Variants in ZNF683 observed in about 807,000 individuals in gnomAD.
The protein encoded by ZNF683 is tissue-resident T-cell transcription regulator protein ZNF683.
In ZNF683, 20 loss-of-function variants were observed where a neutral mutation model predicts 31.4. The ratio of observed to expected loss-of-function variants is 0.64; its 90% confidence interval spans 0.45 to 0.93. ZNF683 has a LOEUF of 0.93. Among genes scored for constraint, ZNF683 ranks in the 40% least tolerant of loss-of-function variants. The pLI is 0.00. For synonymous variants in ZNF683, 264 were observed against 267.6 expected, an observed-to-expected ratio of 0.99 and a Z score of 0.13; for missense variants, 621 against 637.2, an observed-to-expected ratio of 0.97 and a Z score of 0.27.
At chr1:26,367,121 C>CG (rs1199107054) in intron 3 of ZNF683, among the ~76,000 whole-genome samples, 1 of 151,896 alleles carries the variant, frequency 6.6e-6, no homozygotes, top group East Asian at 2.0e-4. Context: ...AAAAATTAGC[C>CG]GGGGGTGGTG....
upstream of ZNF683, chr1:26,374,325 G>T (rs943902042): frequency 2.5e-5 from 33 of 1,303,674 alleles, no homozygotes; most frequent in African/African-American, 4.9e-4. Flanking sequence ...ATCACACTCT[G>T]CTCCCAGCTC....
Position 26,361,754 on chromosome 1 carries a change from A to G in ZNF683, c.1412T>C (p.Ile471Thr). ...TGTCGAGGACACTTTGACCTCATCT[A>G]TGTCATAGCCCATGTGTTTCTCAGA... ...VASEKHMGYD[I>T]DEVKVSSTSQ... The change falls in exon 6 of 6, where the codon ATA (isoleucine) becomes ACA (threonine). Residue 471 changes from isoleucine (I) to threonine (T), a missense_variant. Ile to Thr is a moderately conservative substitution (Grantham distance 89, BLOSUM62 -1). Coordinates refer to ENST00000349618, the MANE Select transcript of ZNF683 (RefSeq NM_001114759.3). 2 of 1,613,910 alleles carry G rather than the reference A, an allele frequency of 1.2e-6. No individual in the cohort carries two copies. Among genetic ancestry groups the G allele is most frequent in the Non-Finnish European group, 1.7e-6 (2 of 1,179,880 alleles).
At chr1:26,374,021 C>A (rs537898491), upstream of ZNF683, among the ~76,000 whole-genome samples, 37 of 150,914 alleles carry the variant, frequency 2.5e-4, no homozygotes, top group South Asian at 7.9e-3. Flanking sequence ...ACGACAGCCA[C>A]CCCCTCATTT....
At chr1:26,365,369 G>C in intron 3 of ZNF683, 143 bp from the exon 4 acceptor site, 1 of 901,524 alleles carries the variant, frequency 1.1e-6, no homozygotes, top group Non-Finnish European at 1.6e-6. Context: ...CAATTTCAGG[G>C]GGAGAAAGCA....
At chr1:26,374,483 C>A, upstream of ZNF683, 1 of 1,139,880 alleles carries the variant, frequency 8.8e-7, no homozygotes, top group Non-Finnish European at 1.1e-6. Flanking sequence ...CTCAGGTTCC[C>A]ACGTGGAGAA....
chr1:26,363,270 C>T (rs914943867), intron 4 of ZNF683, 116 bp from the exon 5 acceptor site: 15 of 1,327,028 alleles, frequency 1.1e-5, no homozygotes, highest in Non-Finnish European at 1.5e-5. Context: ...CCTCAGGGCC[C>T]ATCATCCCCA....
At chr1:26,365,644 T>TATAG (rs2074503888) in intron 3 of ZNF683, among the ~76,000 whole-genome samples, 1 of 152,220 alleles carries the variant, frequency 6.6e-6, no homozygotes, top group Non-Finnish European at 1.5e-5. Context: ...GCTCAGCAGG[T>TATAG]ATAGTATTGG....
At chr1:26,374,390 T>A, upstream of ZNF683, 2 of 1,262,980 alleles carry the variant, frequency 1.6e-6, no homozygotes, top group Non-Finnish European at 2.1e-6. Flanking sequence ...GGAAATGGCC[T>A]TGGAGATTTC....
chr1:26,366,229 A>T (rs1229253380), intron 3 of ZNF683, among the ~76,000 whole-genome samples: 1 of 150,628 alleles, frequency 6.6e-6, no homozygotes, highest in Non-Finnish European at 1.5e-5. Context: ...TGTTTGTGGC[A>T]TGTGTCTGTA....
At chr1:26,366,358 A>G (rs2124160725) in intron 3 of ZNF683, among the ~76,000 whole-genome samples, 1 of 151,182 alleles carries the variant, frequency 6.6e-6, no homozygotes, top group African/African-American at 2.4e-5. Flanking sequence ...AAAAAAAAAA[A>G]AAAAAAAGCA....
At chr1:26,363,985 TGCGCTCCCTGG>T (rs967003857) in intron 4 of ZNF683, among the ~76,000 whole-genome samples, 1 of 152,218 alleles carries the variant, frequency 6.6e-6, no homozygotes, top group Non-Finnish European at 1.5e-5. Context: ...CGCACTGAGA[TGCGCTCCCTGG>T]GCGCCCCCTG....
At chr1:26,372,085 C>T (rs555880457) in intron 1 of ZNF683, among the ~76,000 whole-genome samples, 2 of 152,270 alleles carry the variant, frequency 1.3e-5, no homozygotes, top group Non-Finnish European at 2.9e-5. Context: ...TTCTGGTGTG[C>T]GTGAGTCTGG....
chr1:26,366,439 G>A (rs2074525576), intron 3 of ZNF683, among the ~76,000 whole-genome samples: 1 of 150,898 alleles, frequency 6.6e-6, no homozygotes, highest in African/African-American at 2.4e-5. Flanking sequence ...TCTGTGCTCT[G>A]TGCTGGGGTC....
chr1:26,374,474 T>G, upstream of ZNF683: 1 of 1,133,298 alleles, frequency 8.8e-7, no homozygotes, highest in Non-Finnish European at 1.1e-6. Context: ...ACAGACTCCC[T>G]CAGGTTCCCA....
rs1374558529 is a variant in ZNF683, at chr1:26,367,600, C to G, written c.312G>C (p.Leu104Phe). 5.6e-6 allele frequency: 9 copies of G among 1,601,800 alleles called. No homozygotes were observed. In the South Asian group the frequency reaches 1.0e-4, roughly 18 times the overall value. The change falls in exon 3 of 6, where the codon TTG becomes TTC. Residue 104 changes from leucine (L) to phenylalanine (F), a missense_variant. Leu to Phe is a conservative substitution (Grantham distance 22, BLOSUM62 0). Coordinates refer to ENST00000349618, the MANE Select transcript of ZNF683 (RefSeq NM_001114759.3). ...TDLQGLQEDA[L>F]SMKHEPPGLQ... ...CCGGTGCCCTGGGCTTACTCATGCT[C>G]AAGGCGTCCTCTTGGAGGCCCTGCA...
chr1:26,365,040 G>A lies in ZNF683; in HGVS notation c.506C>T (p.Pro169Leu). ...AGGGGGACAGGGGCAGAAAGCCAAGGGGCTGGGGCTCTTTCTGTTCTGCAG... is the reference window on the plus strand; with the variant it reads ...AGGGGGACAGGGGCAGAAAGCCAAGAGGCTGGGGCTCTTTCTGTTCTGCAG... ...PPLQNRKSPS[P>L]LAFCPCPPVN... Residue 169 changes from proline (P) to leucine (L), a missense_variant, in exon 4 of 6, where the codon CCC (proline) becomes CTC (leucine). Pro to Leu is a moderately conservative substitution (Grantham distance 98). Transcript: ENST00000349618. 1 of 1,598,758 alleles carries A rather than the reference G, an allele frequency of 6.3e-7. No individual in the cohort carries two copies. Among genetic ancestry groups the A allele is most frequent in the Non-Finnish European group, 8.5e-7 (1 of 1,173,586 alleles).
intron 1 of ZNF683, among the ~76,000 whole-genome samples, chr1:26,369,683 A>T (rs12037810): frequency 0.3 from 40,802 of 134,226 alleles, 4,987 homozygotes; most frequent in East Asian, 0.6. Flanking sequence ...AAAAAAAATT[A>T]GCTGAGTGTG....
At chr1:26,372,144 G>A (rs1399098171) in intron 1 of ZNF683, among the ~76,000 whole-genome samples, 2 of 152,084 alleles carry the variant, frequency 1.3e-5, no homozygotes, top group Non-Finnish European at 2.9e-5. Context: ...CCCCAGCCAC[G>A]CCACCCTGGT....
At chr1:26,371,020 G>A (rs1289540991) in intron 1 of ZNF683, among the ~76,000 whole-genome samples, 1 of 152,162 alleles carries the variant, frequency 6.6e-6, no homozygotes, top group African/African-American at 2.4e-5. Context: ...GACAGAGTAG[G>A]GCTCAAAGGC....
Sources: allele counts gnomAD v4.1 joint callset (sites outside exome capture counted in the v4.1 genomes callset), GRCh38; gene constraint gnomAD v4.1.1; transcripts MANE v1.5; gene names NCBI Gene and HGNC (gene_info 2026-07-23, HGNC 2026-07-21).